Variants in CSMD1 observed in about 807,000 individuals in gnomAD.
CSMD1 encodes CUB and Sushi multiple domains 1, also known as CUB and sushi domain-containing protein 1.
CSMD1 carries 213 observed loss-of-function variants against 417.5 expected under a neutral mutation model. The ratio of observed to expected loss-of-function variants is 0.51; its 90% confidence interval spans 0.46 to 0.57. The LOEUF (loss-of-function observed/expected upper bound fraction) is 0.57. CSMD1 is among the 20% of genes least tolerant of loss of function. The pLI, the probability that CSMD1 is intolerant of heterozygous loss-of-function variation, is 0.00. For synonymous variants in CSMD1, 2,862 were observed against 1,736.8 expected, an observed-to-expected ratio of 1.65 and a Z score of -16.11; for missense variants, 6,923 against 4,529.7, an observed-to-expected ratio of 1.53 and a Z score of -15.17.
In CSMD1 at chr8:3,383,408, T is replaced by G. The variant is rs186889381; in HGVS notation, c.2782+4086A>C. Among the ~76,000 whole-genome samples the G allele has an allele frequency of 2.5e-3, 377 of 150,040 alleles. 4 individuals are homozygous for G. Among genetic ancestry groups the G allele is most frequent in the African/African-American group, 8.9e-3 (362 of 40,638 alleles). ...CCTCATGCATGGAGGGAAGCCTTCTTCCACACTAGAAAAACCTCATGCATG... is the reference window on the plus strand; with the variant it reads ...CCTCATGCATGGAGGGAAGCCTTCTGCCACACTAGAAAAACCTCATGCATG... On this transcript the variant is annotated intron_variant, in intron 18 of 69. Transcript: ENST00000635120.
At chr8:3,912,380 T>C (rs2948655) in intron 5 of CSMD1, among the ~76,000 whole-genome samples, 40,048 of 152,050 alleles carry the variant, frequency 0.26, 5,989 homozygotes, top group African/African-American at 0.41. Flanking sequence ...TTCAAGGCAA[T>C]CTTCTAGCCA....
intron 3 of CSMD1, among the ~76,000 whole-genome samples, chr8:4,179,672 C>G (rs1798247270): frequency 2.0e-5 from 3 of 152,106 alleles, no homozygotes; most frequent in South Asian, 4.2e-4. Context: ...TTTTCGCAAT[C>G]TACTCATCTG....
chr8:3,094,295 C>A (rs574097616), intron 47 of CSMD1, among the ~76,000 whole-genome samples: 1 of 151,782 alleles, frequency 6.6e-6, no homozygotes, highest in Non-Finnish European at 1.5e-5. Context: ...TTAGCAGAGA[C>A]GGTTTCACCA....
intron 1 of CSMD1, among the ~76,000 whole-genome samples, chr8:4,831,612 G>A (rs1263267586): frequency 6.6e-6 from 1 of 151,940 alleles, no homozygotes; most frequent in African/African-American, 2.4e-5. Context: ...ACAGCCACCT[G>A]GTGACACTCT....
intron 37 of CSMD1, among the ~76,000 whole-genome samples, chr8:3,177,269 C>T (rs897263179): frequency 1.3e-5 from 2 of 152,204 alleles, no homozygotes; most frequent in African/African-American, 2.4e-5. Context: ...CTTCCACCCA[C>T]AGGCCTCTAT....
At chr8:4,646,082 T>C (rs570980603) in intron 1 of CSMD1, among the ~76,000 whole-genome samples, 10 of 152,238 alleles carry the variant, frequency 6.6e-5, no homozygotes, top group Non-Finnish European at 1.3e-4. Flanking sequence ...AATCTAAACC[T>C]GAGTCTTCGC....
intron 26 of CSMD1, among the ~76,000 whole-genome samples, chr8:3,273,895 T>G (rs1004714926): frequency 6.6e-5 from 10 of 152,176 alleles, no homozygotes; most frequent in Non-Finnish European, 1.5e-4. Flanking sequence ...GATTCGTTAA[T>G]TTTTTGAAGG....
chr8:4,381,515 T>C (rs1375879238), intron 3 of CSMD1, among the ~76,000 whole-genome samples: 1 of 152,046 alleles, frequency 6.6e-6, no homozygotes, highest in African/African-American at 2.4e-5. Context: ...CAAAACAAGG[T>C]CATTATATTG....
At chr8:4,869,786 GTTTC>G (rs1180405939) in intron 1 of CSMD1, among the ~76,000 whole-genome samples, 1 of 151,968 alleles carries the variant, frequency 6.6e-6, no homozygotes, top group East Asian at 1.9e-4. Context: ...TTACACATCT[GTTTC>G]TTTATTGTCT....
chr8:3,203,412 T>A (rs1797095061), intron 31 of CSMD1, among the ~76,000 whole-genome samples: 1 of 152,034 alleles, frequency 6.6e-6, no homozygotes, highest in Non-Finnish European at 1.5e-5. Flanking sequence ...CATGAGAATG[T>A]GATGAGAAGA....
intron 3 of CSMD1, among the ~76,000 whole-genome samples, chr8:4,400,660 C>T (rs1804582951): frequency 1.3e-5 from 2 of 152,080 alleles, no homozygotes; most frequent in African/African-American, 2.4e-5. Flanking sequence ...TTAATACAAC[C>T]CATATTTTAG....
chr8:3,951,931 A>C (rs1218124366), intron 5 of CSMD1, among the ~76,000 whole-genome samples: 1 of 152,154 alleles, frequency 6.6e-6, no homozygotes, highest in Non-Finnish European at 1.5e-5. Flanking sequence ...CAGAAAAAAA[A>C]ATAGATATCG....
chr8:4,098,975 A>G (rs1214194048), intron 3 of CSMD1, among the ~76,000 whole-genome samples: 2 of 152,206 alleles, frequency 1.3e-5, no homozygotes, highest in African/African-American at 4.8e-5. Flanking sequence ...TCAAAGAGGT[A>G]AGAATACACA....
rs557486053 is a variant in CSMD1 at position 4,176,848 on chromosome 8, G to A, written c.416-144749C>T. Reference sequence around the variant, plus strand: ...GAGACAAAGAAGGCCATTACATAATGGTAAAGGGATCAATTCAACAAGAAG... The same window carrying A: ...GAGACAAAGAAGGCCATTACATAATAGTAAAGGGATCAATTCAACAAGAAG... On this transcript the variant is annotated intron_variant, in intron 3 of 69. Coordinates refer to ENST00000635120, the MANE Select transcript of CSMD1 (RefSeq NM_033225.6). Among the ~76,000 whole-genome samples the A allele has an allele frequency of 1.6e-4, 23 of 148,130 alleles. 1 individual carries two copies. The highest frequency in any genetic ancestry group is 5.3e-4 in the African/African-American group (21 of 39,976).
At chr8:3,663,620 T>C (rs1041973442) in intron 7 of CSMD1, among the ~76,000 whole-genome samples, 1 of 152,148 alleles carries the variant, frequency 6.6e-6, no homozygotes, top group Non-Finnish European at 1.5e-5. Context: ...ATTGCCTCCT[T>C]TGGAAAGACT....
At chr8:4,565,784 ATATATATATATATG>A (rs1798577365) in intron 2 of CSMD1, among the ~76,000 whole-genome samples, 1 of 66,026 alleles carries the variant, frequency 1.5e-5, no homozygotes. Context: ...ATATATATAT[ATATATATATATATG>A]TATACATATA....
chr8:3,694,482 C>A (rs908684984), intron 7 of CSMD1, among the ~76,000 whole-genome samples: 1 of 152,128 alleles, frequency 6.6e-6, no homozygotes, highest in Non-Finnish European at 1.5e-5. Flanking sequence ...GCCGAAAACA[C>A]CATCTGGGAA....
chr8:4,476,240 C>T (rs1420449564), intron 2 of CSMD1, among the ~76,000 whole-genome samples: 2 of 151,962 alleles, frequency 1.3e-5, no homozygotes, highest in African/African-American at 2.4e-5. Flanking sequence ...AAAAGATATG[C>T]TAGAAGATAT....
At chr8:4,641,699 C>G (rs949420430) in intron 1 of CSMD1, among the ~76,000 whole-genome samples, 3 of 152,096 alleles carry the variant, frequency 2.0e-5, no homozygotes, top group Admixed American at 6.5e-5. Flanking sequence ...CATTACAGAC[C>G]TCATGTATGG....
Sources: gnomAD v4.1 joint callset for allele counts (sites outside exome capture counted in the v4.1 genomes callset) on GRCh38, gnomAD v4.1.1 for gene constraint, MANE v1.5 for transcripts, NCBI Gene and HGNC (gene_info 2026-07-23, HGNC 2026-07-21) for gene names.